The following GCNT1 variants were observed in gnomAD, a reference collection of about 807,000 sequenced individuals.
GCNT1 encodes glucosaminyl (N-acetyl) transferase 1, also known as beta-1,3-galactosyl-O-glycosyl-glycoprotein beta-1,6-N-acetylglucosaminyltransferase.
In GCNT1, 16 loss-of-function variants were observed where a neutral mutation model predicts 26.2. The observed-to-expected ratio is 0.61, with a 90% CI of 0.41 to 0.93. GCNT1 has a LOEUF of 0.93. Among genes scored for constraint, GCNT1 ranks in the 40% least tolerant of loss-of-function variants. The probability of loss-of-function intolerance (pLI) is 0.00; values close to 1 mark genes in which losing one functional copy is unlikely to be tolerated. For missense variants in GCNT1, 477 were observed against 526.7 expected, an observed-to-expected ratio of 0.91 and a Z score of 0.92; for synonymous variants, 183 against 190.8, an observed-to-expected ratio of 0.96 and a Z score of 0.34.
chr9:76,409,888 C>A, the GCNT1 span, among the ~76,000 whole-genome samples: 1 of 151,928 alleles, frequency 6.6e-6, no homozygotes, highest in African/African-American at 2.4e-5. Flanking sequence ...CCAATATATG[C>A]ATTCAATGCC....
At chr9:76,409,668 A>G in the GCNT1 span, among the ~76,000 whole-genome samples, 1 of 152,088 alleles carries the variant, frequency 6.6e-6, no homozygotes, top group African/African-American at 2.4e-5. Flanking sequence ...CTGGTCTCGA[A>G]CTGCTGACCT....
the GCNT1 span, among the ~76,000 whole-genome samples, chr9:76,397,777 A>G: frequency 1.3e-5 from 2 of 152,308 alleles, no homozygotes; most frequent in African/African-American, 4.8e-5. Flanking sequence ...TGACTGAAGA[A>G]TAAACCCTCC....
chr9:76,454,613 G>GT (rs1246238497), upstream of GCNT1, among the ~76,000 whole-genome samples: 3 of 151,468 alleles, frequency 2.0e-5, no homozygotes, highest in Non-Finnish European at 4.4e-5. Flanking sequence ...GAGGGGCTTG[G>GT]TGGAGGTGAT....
the GCNT1 span, among the ~76,000 whole-genome samples, chr9:76,396,801 T>A: frequency 3.2e-3 from 480 of 152,316 alleles, 4 homozygotes; most frequent in Non-Finnish European, 4.6e-3. Context: ...ATCACGCCAC[T>A]GCACTCCATA....
chr9:76,447,664 A>AG (rs1823599070), intron 1 of GCNT1, among the ~76,000 whole-genome samples: 2 of 152,288 alleles, frequency 1.3e-5, no homozygotes. Context: ...CTACCACCAG[A>AG]GGGGGCCTCT....
intron 2 of GCNT1, among the ~76,000 whole-genome samples, chr9:76,496,832 A>G (rs1824920745): frequency 6.6e-6 from 1 of 151,818 alleles, no homozygotes; most frequent in African/African-American, 2.4e-5. Context: ...TTCATTTCTC[A>G]TTTCTTCTTA....
In GCNT1 at chr9:76,504,148, T is replaced by C. The variant is rs1051097862; in HGVS notation, c.*480T>C. ...TATATTTGTTGAAATAGAAATTTGA[T>C]TGTACTATAAATGATTTTTGTAAAT... On this transcript the variant is annotated 3_prime_UTR_variant, in exon 4 of 4. Coordinates refer to ENST00000376730, the MANE Select transcript of GCNT1 (RefSeq NM_001490.5). The C allele has an allele frequency of 5.1e-6, 1 of 197,962 alleles. No individual in the cohort carries two copies. The highest frequency in any genetic ancestry group is 2.4e-5 in the African/African-American group (1 of 42,418). The allele number at this position is 197,962 out of a possible 1,614,324, so 12.3% of individuals were successfully genotyped here. A position where few individuals can be genotyped will look rare whatever the true frequency, so the allele number is the denominator to read the frequency against.
the GCNT1 span, chr9:76,398,609 C>G: frequency 1.3e-5 from 10 of 746,694 alleles, no homozygotes; most frequent in East Asian, 2.7e-4. Flanking sequence ...ACACAAAAAC[C>G]TATTTGTTTT....
chr9:76,399,961 G>A, the GCNT1 span, among the ~76,000 whole-genome samples: 1 of 152,178 alleles, frequency 6.6e-6, no homozygotes, highest in South Asian at 2.1e-4. Context: ...ATTACTAAGT[G>A]AAAGAAGCCA....
At chr9:76,485,919 G>C (rs774306729) in intron 2 of GCNT1, among the ~76,000 whole-genome samples, 3 of 152,188 alleles carry the variant, frequency 2.0e-5, no homozygotes, top group Non-Finnish European at 2.9e-5. Flanking sequence ...TTTCAGTAGA[G>C]ATGAGGTTTC....
At chr9:76,425,084 A>G (rs1449903430) in intron 1 of GCNT1, among the ~76,000 whole-genome samples, 1 of 140,186 alleles carries the variant, frequency 7.1e-6, no homozygotes, top group East Asian at 2.4e-4. Context: ...GCTTGCAGTG[A>G]GCCGAGATCG....
chr9:76,503,355 C>G lies in GCNT1; in HGVS notation c.974C>G (p.Thr325Ser). ...TYSPDEYLWA[T>S]IQRIPEVPGS... Reference sequence around the variant, plus strand: ...AGCCCTGATGAGTATCTCTGGGCCACCATCCAAAGGATTCCTGAAGTCCCG... The same window carrying G: ...AGCCCTGATGAGTATCTCTGGGCCAGCATCCAAAGGATTCCTGAAGTCCCG... The change falls in exon 4 of 4, where the codon ACC (threonine) becomes AGC (serine). Residue 325 changes from threonine (T) to serine (S), a missense_variant. By Grantham distance (58) the Thr-to-Ser change is moderately conservative. Coordinates refer to ENST00000376730, the MANE Select transcript of GCNT1 (RefSeq NM_001490.5). The G allele has an allele frequency of 1.2e-6, 2 of 1,614,194 alleles. No homozygotes were observed. The highest frequency in any genetic ancestry group is 1.7e-6 in the Non-Finnish European group (2 of 1,180,018).
At chr9:76,450,495 T>C (rs1213648497) in intron 1 of GCNT1, among the ~76,000 whole-genome samples, 1 of 152,234 alleles carries the variant, frequency 6.6e-6, no homozygotes, top group African/African-American at 2.4e-5. Flanking sequence ...CCAAATGCCT[T>C]CTAGAAAGTT....
intron 1 of GCNT1, among the ~76,000 whole-genome samples, chr9:76,449,197 G>A (rs1323452174): frequency 6.6e-6 from 1 of 151,892 alleles, no homozygotes; most frequent in African/African-American, 2.4e-5. Context: ...GCGGGGCGGG[G>A]TAGTGTGTAC....
chr9:76,489,200 C>T (rs186085195), intron 2 of GCNT1, among the ~76,000 whole-genome samples: 34 of 152,242 alleles, frequency 2.2e-4, no homozygotes, highest in African/African-American at 7.2e-4. Flanking sequence ...GACAACTGGG[C>T]GGAAGCTGCA....
rs1214491273 is a variant in GCNT1 at position 76,480,662 on chromosome 9, A to G, written c.-289-20254A>G. Among the ~76,000 whole-genome samples, 3 of 152,146 alleles carry G rather than the reference A, an allele frequency of 2.0e-5. No homozygotes were observed. The East Asian group carries it at 5.8e-4, about 29-fold the overall frequency. ...GAAAGAGGATGCTTTTTCTTCTGTT[A>G]ACGTGCTAATAAATACTATTTTCAT... On this transcript the variant is annotated intron_variant, in intron 2 of 3. Coordinates refer to ENST00000376730, the MANE Select transcript of GCNT1 (RefSeq NM_001490.5).
chr9:76,438,893 G>A (rs1393786130), upstream of GCNT1, among the ~76,000 whole-genome samples: 1 of 152,194 alleles, frequency 6.6e-6, no homozygotes, highest in Non-Finnish European at 1.5e-5. Flanking sequence ...CAGACTATGG[G>A]CCTTGGGTTG....
chr9:76,481,360 A>G (rs1824417061), intron 2 of GCNT1, among the ~76,000 whole-genome samples: 1 of 151,730 alleles, frequency 6.6e-6, no homozygotes, highest in African/African-American at 2.4e-5. Flanking sequence ...ATGGCTTTGA[A>G]TTCTGCCTGA....
At chr9:76,450,005 T>C (rs1046326922) in intron 1 of GCNT1, among the ~76,000 whole-genome samples, 2 of 152,150 alleles carry the variant, frequency 1.3e-5, no homozygotes, top group African/African-American at 4.8e-5. Context: ...ACTCCTGACC[T>C]CAAGTGATCC....
Sources: gnomAD v4.1 joint callset for allele counts (sites outside exome capture counted in the v4.1 genomes callset) on GRCh38, gnomAD v4.1.1 for gene constraint, MANE v1.5 for transcripts, NCBI Gene and HGNC (gene_info 2026-07-23, HGNC 2026-07-21) for gene names.